Variants in MYH7B observed in about 807,000 individuals in gnomAD.
MYH7B encodes myosin-7B.
Under a neutral mutation model 234.5 loss-of-function variants are expected in MYH7B, and 205 were observed. The ratio of observed to expected loss-of-function variants is 0.87; its 90% CI spans 0.78 to 0.98. The LOEUF is 0.98. MYH7B is among the 50% of genes least tolerant of loss of function. The probability of loss-of-function intolerance (pLI) is 0.00; values close to 1 mark genes in which losing one functional copy is unlikely to be tolerated. For missense variants in MYH7B, 2,652 were observed against 2,633.4 expected (o/e 1.01, Z -0.15); for synonymous variants, 1,193 against 1,105.0 (o/e 1.08, Z -1.58).
chr20:34,964,210 C>T (rs111253989), intron 2 of MYH7B, among the ~76,000 whole-genome samples: 4 of 152,254 alleles, frequency 2.6e-5, no homozygotes, highest in South Asian at 4.2e-4. Flanking sequence ...CCTCATTCTG[C>T]ATCCTCACCG....
At chr20:34,976,940 G>A (rs1238724846) in intron 3 of MYH7B, among the ~76,000 whole-genome samples, 1 of 152,222 alleles carries the variant, frequency 6.6e-6, no homozygotes, top group East Asian at 1.9e-4. Context: ...ACAGAGTGGA[G>A]GCACCAGAGA....
chr20:34,977,669 C>G, exon 4 of MYH7B: 6 of 1,376,310 alleles, frequency 4.4e-6, no homozygotes, highest in Non-Finnish European at 5.8e-6. Flanking sequence ...CTGCCCTCAC[C>G]GTGGTGCCGA....
chr20:34,987,954 G>C, intron 18 of MYH7B, 40 bp downstream of exon 18: 4 of 1,563,694 alleles, frequency 2.6e-6, no homozygotes, highest in Non-Finnish European at 3.5e-6. Flanking sequence ...TTCTCTCCAA[G>C]GTAGAGGACA....
intron 4 of MYH7B, 58 bp downstream of exon 4, chr20:34,977,738 G>GGGGGGT: frequency 6.3e-6 from 2 of 317,148 alleles, no homozygotes; most frequent in Admixed American, 5.5e-5. Context: ...GGGCGGGTGG[G>GGGGGGT]TGAGGGTGCC....
chr20:34,995,494 G>C (rs2082239251), exon 28 of MYH7B: 15 of 1,614,184 alleles, frequency 9.3e-6, no homozygotes, highest in Non-Finnish European at 1.3e-5. Flanking sequence ...TGGAGGACGA[G>C]TGCACGGAGC....
In MYH7B at chr20:34,987,275, G is replaced by A. The variant is rs924925102; in HGVS notation, c.1135G>A (p.Asp379Asn). ...GCAGCGGGAGGAGCAGGCGGAGGCC[G>A]ATGGCACTGAGAGTGAGGGGCCCTA... The change falls in exon 16 of 45, where the codon GAT becomes AAT. Residue 379 changes from aspartate (D) to asparagine (N), a missense_variant. By Grantham distance (23) the Asp-to-Asn change is conservative. Transcript: ENST00000262873. The A allele has an allele frequency of 1.1e-5, 17 of 1,610,772 alleles. No individual in the cohort carries two copies. Among genetic ancestry groups the A allele is most frequent in the Middle Eastern group, 4.5e-4 (2 of 4,476 alleles).
intron 9 of MYH7B, chr20:34,981,853 C>CA (rs2081946568): frequency 5.6e-5 from 4 of 70,928 alleles, no homozygotes; most frequent in Non-Finnish European, 1.0e-4. Context: ...CTCCATCTCA[C>CA]GAAAAAAAAA....
exon 37 of MYH7B, chr20:34,999,644 G>C: frequency 6.2e-7 from 1 of 1,613,774 alleles, no homozygotes; most frequent in Non-Finnish European, 8.5e-7. Flanking sequence ...AAACCAAGAA[G>C]GCGCTGGAAG....
intron 1 of MYH7B, among the ~76,000 whole-genome samples, chr20:34,956,809 CTT>C (rs1332083220): frequency 6.6e-6 from 1 of 152,084 alleles, no homozygotes; most frequent in Non-Finnish European, 1.5e-5. Flanking sequence ...AATCCCAGCA[CTT>C]TGAGAGGCCG....
chr20:35,000,439 C>G, exon 39 of MYH7B: 1 of 1,601,906 alleles, frequency 6.2e-7, no homozygotes, highest in South Asian at 1.1e-5. Context: ...ACCCGTCAGG[C>G]CACAGAGGCC....
intron 21 of MYH7B, 26 bp downstream of exon 21, chr20:34,990,172 A>C: frequency 1.2e-6 from 2 of 1,613,952 alleles, no homozygotes; most frequent in South Asian, 2.2e-5. Flanking sequence ...CAAGATCTCC[A>C]CTCTGACAGG....
exon 41 of MYH7B, chr20:35,001,010 TGAA>T (rs780550114): frequency 2.5e-6 from 4 of 1,613,510 alleles, no homozygotes; most frequent in African/African-American, 1.3e-5. Context: ...GCCGAGGAGC[TGAA>T]GAAGGAGCAG....
intron 35 of MYH7B, 45 bp from the exon 36 acceptor site, chr20:34,999,011 C>A: frequency 6.3e-7 from 1 of 1,583,644 alleles, no homozygotes; most frequent in South Asian, 1.2e-5. Context: ...TGGGGCTGTT[C>A]TCCCTCCTTC....
At chr20:34,977,723 A>T in intron 4 of MYH7B, 43 bp downstream of exon 4, 9 of 170,880 alleles carry the variant, frequency 5.3e-5, no homozygotes, top group Non-Finnish European at 7.7e-5. Context: ...GGAGGGCAGG[A>T]GGGTGGGCGG....
In MYH7B at chr20:34,993,240, G is replaced by C. The variant is rs2082189703; in HGVS notation, c.2307+15G>C. The stretch of plus-strand genomic sequence containing the variant: ...GCCACACCAAGGTCGGGGCACTGTG[G>C]GATCAGGGCTGGCCATGGCTGTGGC... On this transcript the variant is annotated intron_variant, in intron 25 of 44. Transcript: ENST00000262873. 3 of 1,613,914 alleles carry C rather than the reference G, an allele frequency of 1.9e-6. No individual in the cohort carries two copies. The East Asian group carries it at 6.7e-5, about 36-fold the overall frequency.
chr20:34,997,360 G>A (rs771375032), exon 32 of MYH7B: 17 of 1,529,720 alleles, frequency 1.1e-5, no homozygotes, highest in African/African-American at 7.0e-5. Context: ...CTGAGCGAGC[G>A]GCTGGAGGAG....
At chr20:34,964,682 G>A (rs1324383825) in intron 2 of MYH7B, among the ~76,000 whole-genome samples, 1 of 152,220 alleles carries the variant, frequency 6.6e-6, no homozygotes, top group African/African-American at 2.4e-5. Flanking sequence ...ACTTTGGGAG[G>A]CCAAGACAGG....
chr20:34,997,368 G>A (rs941459098), exon 32 of MYH7B: 6 of 1,526,266 alleles, frequency 3.9e-6, no homozygotes, highest in South Asian at 1.2e-5. Context: ...GCGGCTGGAG[G>A]AGGCAGGCGG....
At chr20:34,990,815 C>T (rs1255689706) in exon 23 of MYH7B, 2 of 1,614,042 alleles carry the variant, frequency 1.2e-6, no homozygotes, top group Non-Finnish European at 8.5e-7. Context: ...CCAACGAGAA[C>T]AAAACCCCAG....
Sources: gnomAD v4.1 joint callset for allele counts (sites outside exome capture counted in the v4.1 genomes callset) on GRCh38, gnomAD v4.1.1 for gene constraint, MANE v1.5 for transcripts, NCBI Gene and HGNC (gene_info 2026-07-23, HGNC 2026-07-21) for gene names.